AP3B1: variants seen among roughly 807,000 people sequenced by gnomAD.
The protein encoded by AP3B1 is adaptor related protein complex 3 subunit beta 1, also known as AP-3 complex subunit beta-1.
AP3B1 carries 61 observed loss-of-function variants against 132.5 expected under a neutral mutation model. The observed-to-expected ratio is 0.46, with a 90% CI of 0.37 to 0.57. The LOEUF is 0.57. Among genes scored for constraint, AP3B1 ranks in the 20% least tolerant of loss-of-function variants. The probability of loss-of-function intolerance (pLI) is 0.00; values close to 1 mark genes in which losing one functional copy is unlikely to be tolerated. For missense variants in AP3B1, 1,120 were observed against 1,289.4 expected (o/e 0.87, Z 2.01); for synonymous variants, 388 against 438.3 (o/e 0.89, Z 1.43).
chr5:78,052,738 A>T (rs889104380), intron 22 of AP3B1, among the ~76,000 whole-genome samples: 2 of 152,234 alleles, frequency 1.3e-5, no homozygotes, highest in Non-Finnish European at 2.9e-5. Flanking sequence ...CCAAAGACAG[A>T]TCAATAAACT....
intron 1 of AP3B1, among the ~76,000 whole-genome samples, chr5:78,273,874 GA>G (rs925340625): frequency 6.8e-6 from 1 of 146,922 alleles, no homozygotes; most frequent in Non-Finnish European, 1.5e-5. Context: ...TGCTTGGCTG[GA>G]AAAAAAAACA....
chr5:78,232,377 A>C (rs1159486738), intron 3 of AP3B1, among the ~76,000 whole-genome samples: 1 of 152,148 alleles, frequency 6.6e-6, no homozygotes, highest in Non-Finnish European at 1.5e-5. Context: ...AAAGTTAGCC[A>C]GTCAGGAACA....
At chr5:78,049,080 A>G (rs1302857989) in intron 22 of AP3B1, among the ~76,000 whole-genome samples, 1 of 152,226 alleles carries the variant, frequency 6.6e-6, no homozygotes, top group Non-Finnish European at 1.5e-5. Context: ...TTTGTTTTGC[A>G]TCAAGGCTAC....
intron 14 of AP3B1, among the ~76,000 whole-genome samples, chr5:78,149,685 T>C (rs1012622482): frequency 6.6e-6 from 1 of 152,168 alleles, no homozygotes; most frequent in African/African-American, 2.4e-5. Context: ...AACTGGAGCA[T>C]AGTGAAGTCA....
intron 22 of AP3B1, among the ~76,000 whole-genome samples, chr5:78,084,008 CTTTAT>C (rs1194417378): frequency 1.3e-5 from 2 of 152,076 alleles, no homozygotes; most frequent in African/African-American, 4.8e-5. Flanking sequence ...AGTTTCATCT[CTTTAT>C]TTTAACAAAC....
chr5:78,119,542 C>T (rs1032053119), intron 17 of AP3B1, among the ~76,000 whole-genome samples: 2 of 152,042 alleles, frequency 1.3e-5, no homozygotes, highest in South Asian at 2.1e-4. Context: ...ATGTGAAGAA[C>T]GCAGAAGCCT....
At chr5:78,149,584 T>C (rs1753559365) in intron 14 of AP3B1, among the ~76,000 whole-genome samples, 1 of 152,136 alleles carries the variant, frequency 6.6e-6, no homozygotes, top group Non-Finnish European at 1.5e-5. Flanking sequence ...CCGAGCACTG[T>C]TCTAAGTGCT....
intron 7 of AP3B1, among the ~76,000 whole-genome samples, chr5:78,213,044 ATT>A (rs1289221853): frequency 1.3e-5 from 2 of 150,812 alleles, no homozygotes; most frequent in Non-Finnish European, 1.5e-5. Flanking sequence ...TGCCCGGCTA[ATT>A]TTTTTTGTAT....
intron 24 of AP3B1, among the ~76,000 whole-genome samples, chr5:78,028,645 C>A (rs1053005330): frequency 1.3e-5 from 2 of 152,016 alleles, no homozygotes; most frequent in African/African-American, 4.8e-5. Flanking sequence ...GTAACCTGTA[C>A]GGGCCAGAAG....
intron 22 of AP3B1, among the ~76,000 whole-genome samples, chr5:78,060,255 C>T (rs1037086165): frequency 6.6e-6 from 1 of 152,170 alleles, no homozygotes; most frequent in African/African-American, 2.4e-5. Context: ...GTTAAGGTGT[C>T]TATAACCCAT....
chr5:78,118,792 TAA>T (rs1213833409), intron 17 of AP3B1, among the ~76,000 whole-genome samples: 5 of 152,176 alleles, frequency 3.3e-5, no homozygotes, highest in Non-Finnish European at 4.4e-5. Context: ...TCTGCAGACT[TAA>T]ATGTCCCTGT....
chr5:78,161,138 A>G (rs1032953656), intron 13 of AP3B1, among the ~76,000 whole-genome samples: 1 of 151,978 alleles, frequency 6.6e-6, no homozygotes, highest in Non-Finnish European at 1.5e-5. Context: ...TCTAATTGTA[A>G]AACAATCTAG....
At chr5:78,139,777 A>G (rs946671935) in intron 15 of AP3B1, among the ~76,000 whole-genome samples, 16 of 152,172 alleles carry the variant, frequency 1.1e-4, no homozygotes, top group African/African-American at 2.4e-5. Flanking sequence ...AGAGAGATAC[A>G]CAGCAAATAC....
chr5:78,238,665 C>T (rs200195784), intron 3 of AP3B1, among the ~76,000 whole-genome samples: 2 of 151,588 alleles, frequency 1.3e-5, no homozygotes, highest in East Asian at 3.9e-4. Flanking sequence ...TATGGGACCA[C>T]TGTCATATAT....
intron 11 of AP3B1, among the ~76,000 whole-genome samples, chr5:78,171,813 T>C (rs1256676804): frequency 6.6e-6 from 1 of 152,204 alleles, no homozygotes; most frequent in Non-Finnish European, 1.5e-5. Context: ...AATTGTCTTG[T>C]GCCAGTTTTC....
intron 24 of AP3B1, among the ~76,000 whole-genome samples, chr5:78,027,418 G>T (rs1747378977): frequency 1.3e-5 from 2 of 151,874 alleles, no homozygotes; most frequent in African/African-American, 4.8e-5. Flanking sequence ...ATTGGTTCTT[G>T]TGTCAATATC....
intron 21 of AP3B1, among the ~76,000 whole-genome samples, chr5:78,096,302 T>A (rs993891732): frequency 2.0e-5 from 3 of 152,174 alleles, no homozygotes; most frequent in African/African-American, 7.2e-5. Flanking sequence ...CAGTGTCTGG[T>A]TCACTTAGTG....
At chr5:78,166,207 A>G (rs927169440) in intron 11 of AP3B1, among the ~76,000 whole-genome samples, 2 of 151,744 alleles carry the variant, frequency 1.3e-5, no homozygotes, top group African/African-American at 4.8e-5. Flanking sequence ...AAGGCATTAT[A>G]CCCTTCAGGT....
At chr5:78,181,785 T>G in intron 7 of AP3B1, 123 bp from the exon 8 acceptor site, 1 of 805,434 alleles carries the variant, frequency 1.2e-6, no homozygotes, top group African/African-American at 1.7e-5. Flanking sequence ...TACTTCTGTT[T>G]GGGCAATTTA....
Sources: allele counts gnomAD v4.1 joint callset (sites outside exome capture counted in the v4.1 genomes callset), GRCh38; gene constraint gnomAD v4.1.1; transcripts MANE v1.5; gene names NCBI Gene and HGNC (gene_info 2026-07-23, HGNC 2026-07-21).